The following PLEKHA7 variants were observed in gnomAD, a reference collection of about 807,000 sequenced individuals.
PLEKHA7 encodes pleckstrin homology domain-containing family A member 7.
Under a neutral mutation model 170.0 loss-of-function variants are expected in PLEKHA7, and 104 were observed. The ratio of observed to expected loss-of-function variants is 0.61; its 90% CI spans 0.52 to 0.72. The LOEUF (loss-of-function observed/expected upper bound fraction) is 0.72. PLEKHA7 is among the 30% of genes least tolerant of loss of function. The probability of loss-of-function intolerance (pLI) is 0.00; values close to 1 mark genes in which losing one functional copy is unlikely to be tolerated. For synonymous variants in PLEKHA7, 648 were observed against 660.8 expected (o/e 0.98, Z 0.30); for missense variants, 1,615 against 1,671.7 (o/e 0.97, Z 0.59).
chr11:16,913,458 A>C (rs1030452203), intron 3 of PLEKHA7, among the ~76,000 whole-genome samples: 2 of 151,908 alleles, frequency 1.3e-5, no homozygotes, highest in Non-Finnish European at 2.9e-5. Flanking sequence ...GTAGCCAGAG[A>C]CCCTCAAATT....
In PLEKHA7 at chr11:16,841,573, C is replaced by T. The variant is rs773388398; in HGVS notation, c.846G>A (p.Gln282=). The change falls in exon 9 of 27, where the codon CAG becomes CAA. Residue 282 remains glutamine (Q), a synonymous_variant. Transcript: ENST00000531066. The stretch of plus-strand genomic sequence containing the variant: ...TCTTCAGTGACGATCGAGACAGCAC[C>T]TGTGCAGCCTGGTTCATGGCCCTGA... ...AWVRAMNQAA[Q]VLSRSSLKRD... is the part of the protein sequence containing the mutation. 2.5e-6 allele frequency: 4 copies of T among 1,613,712 alleles called. No homozygotes were observed. Among genetic ancestry groups the T allele is most frequent in the African/African-American group, 2.7e-5 (2 of 74,918 alleles).
chr11:16,929,742 C>T (rs543740471), intron 3 of PLEKHA7, among the ~76,000 whole-genome samples: 4 of 152,022 alleles, frequency 2.6e-5, no homozygotes, highest in South Asian at 4.1e-4. Flanking sequence ...TGGTGGCTCA[C>T]GCCTGTAATC....
At chr11:16,861,118 A>G (rs1011866396) in intron 4 of PLEKHA7, among the ~76,000 whole-genome samples, 3 of 152,228 alleles carry the variant, frequency 2.0e-5, no homozygotes, top group African/African-American at 4.8e-5. Context: ...AACAACAGTC[A>G]TCTCCTACAA....
intron 5 of PLEKHA7, 83 bp downstream of exon 5, chr11:16,855,719 GA>G: frequency 9.8e-7 from 1 of 1,022,830 alleles, no homozygotes; most frequent in Non-Finnish European, 1.5e-6. Flanking sequence ...AAACTATAGT[GA>G]AGATCAAATG....
intron 3 of PLEKHA7, among the ~76,000 whole-genome samples, chr11:17,002,760 T>C (rs548901217): frequency 2.0e-5 from 3 of 152,154 alleles, no homozygotes; most frequent in Non-Finnish European, 4.4e-5. Flanking sequence ...CTGCACAGAT[T>C]AAGAAGCAGA....
chr11:16,902,151 G>A (rs76378668), intron 3 of PLEKHA7, among the ~76,000 whole-genome samples: 2,389 of 152,252 alleles, frequency 0.016, 61 homozygotes, highest in African/African-American at 0.054. Context: ...TCATTGTTGC[G>A]TTCTTGTTGT....
rs1406572809 is a variant in PLEKHA7 at position 16,817,397 on chromosome 11, A to G, written c.1344-75T>C. On this transcript the variant is annotated intron_variant, in intron 10 of 26. Transcript: ENST00000531066. This position sits in a 1 kb window ranked among gnomAD's most constrained non-coding sequence, Gnocchi z 4.4. ...AGGCTTTGGGGAACATATCTAAGTA[A>G]ACCCACAAAGCTGGGCATGTGGGAC... The G allele has an allele frequency of 7.0e-7, 1 of 1,431,790 alleles. No homozygotes were observed. Among genetic ancestry groups the G allele is most frequent in the African/African-American group, 1.4e-5 (1 of 70,328 alleles). 88.7% of individuals were successfully genotyped at this position (1,431,790 alleles called of 1,614,324 possible).
intron 3 of PLEKHA7, among the ~76,000 whole-genome samples, chr11:16,919,831 T>A (rs964928877): frequency 2.0e-5 from 3 of 152,098 alleles, no homozygotes; most frequent in Non-Finnish European, 4.4e-5. Context: ...ATAATTAGAA[T>A]CAGAGAGAGA....
chr11:16,914,439 T>G (rs555563336), intron 3 of PLEKHA7, among the ~76,000 whole-genome samples: 10 of 152,280 alleles, frequency 6.6e-5, no homozygotes, highest in African/African-American at 1.9e-4. Context: ...AAGACAAACA[T>G]TCTCGCTTCC....
intron 3 of PLEKHA7, among the ~76,000 whole-genome samples, chr11:16,972,005 G>T (rs1345553361): frequency 6.6e-6 from 1 of 151,992 alleles, no homozygotes; most frequent in Non-Finnish European, 1.5e-5. Context: ...TATATTTTTA[G>T]TAGAGATGGG....
chr11:16,836,360 G>A (rs12222901), intron 9 of PLEKHA7, among the ~76,000 whole-genome samples: 26,636 of 152,260 alleles, frequency 0.17, 2,847 homozygotes, highest in Non-Finnish European at 0.25. Context: ...TCAGTGACAT[G>A]AACCAATAAA....
Position 16,791,153 on chromosome 11 carries a change from G to C in PLEKHA7, c.2792C>G (p.Pro931Arg). The C allele has an allele frequency of 6.2e-7, 1 of 1,612,162 alleles. No homozygotes were observed. Among genetic ancestry groups the C allele is most frequent in the Non-Finnish European group, 8.5e-7 (1 of 1,178,710 alleles). Residue 931 changes from proline (P) to arginine (R), a missense_variant, in exon 20 of 27, where the codon CCA (proline) becomes CGA (arginine). By Grantham distance (103) the Pro-to-Arg change is moderately radical. Transcript: ENST00000531066. The surrounding 1 kb of genome is among the most constrained non-coding windows in gnomAD (Gnocchi z 4.5). ...PRPPLPELYSPEDQPPAVPPL... is the reference protein window; with the variant it reads ...PRPPLPELYSREDQPPAVPPL... ...CGGCACAGCCGGGGGCTGGTCCTCT[G>C]GGCTGTAGAGTTCGGGGAGTGGGGG...
intron 15 of PLEKHA7, 60 bp from the exon 16 acceptor site, chr11:16,801,877 A>C (rs966169234): frequency 6.3e-7 from 1 of 1,597,690 alleles, no homozygotes; most frequent in African/African-American, 1.3e-5. Context: ...AGGCCTCCCC[A>C]TACCACACCA....
chr11:17,003,999 C>T (rs998418609), intron 3 of PLEKHA7, among the ~76,000 whole-genome samples: 5 of 152,186 alleles, frequency 3.3e-5, no homozygotes, highest in African/African-American at 9.7e-5. Context: ...GGAGTCTCTC[C>T]GCACTCCTCT....
chr11:16,876,543 G>A (rs546991599), intron 3 of PLEKHA7, among the ~76,000 whole-genome samples: 85 of 152,346 alleles, frequency 5.6e-4, no homozygotes, highest in South Asian at 3.9e-3. Flanking sequence ...AAAGCAGGCT[G>A]TGGGTAACCA....
At chr11:16,880,178 G>A (rs1855605419) in intron 3 of PLEKHA7, among the ~76,000 whole-genome samples, 1 of 152,072 alleles carries the variant, frequency 6.6e-6, no homozygotes, top group South Asian at 2.1e-4. Context: ...CAACCTCCCT[G>A]GGCCTCAGTT....
At chr11:16,901,488 C>T (rs1857332469) in intron 3 of PLEKHA7, among the ~76,000 whole-genome samples, 1 of 152,202 alleles carries the variant, frequency 6.6e-6, no homozygotes, top group Non-Finnish European at 1.5e-5. Flanking sequence ...AAGCATTATC[C>T]TTCCCAATAT....
chr11:16,986,005 G>A (rs1222276332), intron 3 of PLEKHA7, among the ~76,000 whole-genome samples: 1 of 152,242 alleles, frequency 6.6e-6, no homozygotes, highest in Non-Finnish European at 1.5e-5. Flanking sequence ...TAATGCCTGA[G>A]TCTTAAAGGA....
At chr11:16,783,222 G>A (rs1056366822) in intron 25 of PLEKHA7, among the ~76,000 whole-genome samples, 1 of 152,192 alleles carries the variant, frequency 6.6e-6, no homozygotes, top group Non-Finnish European at 1.5e-5. Context: ...GAGGCTTAGG[G>A]GACAGTAAAG....
Sources: allele counts gnomAD v4.1 joint callset (sites outside exome capture counted in the v4.1 genomes callset), GRCh38; gene constraint gnomAD v4.1.1; non-coding constraint Gnocchi (gnomAD v3.1); transcripts MANE v1.5; gene names NCBI Gene and HGNC (gene_info 2026-07-23, HGNC 2026-07-21).